Variants in ADAMTS2 observed in about 807,000 individuals in gnomAD.
ADAMTS2 encodes the protein ADAM metallopeptidase with thrombospondin type 1 motif 2, also known as A disintegrin and metalloproteinase with thrombospondin motifs 2.
ADAMTS2 carries 50 observed loss-of-function variants against 123.0 expected under a neutral mutation model. The ratio of observed to expected loss-of-function variants is 0.41; its 90% CI spans 0.32 to 0.51. The LOEUF (loss-of-function observed/expected upper bound fraction) is 0.51. ADAMTS2 is among the 20% of genes least tolerant of loss of function. ADAMTS2 has a pLI of 0.35. For missense variants in ADAMTS2, 1,494 were observed against 1,705.2 expected (o/e 0.88, Z 2.18); for synonymous variants, 678 against 695.4 (o/e 0.98, Z 0.39).
chr5:179,137,704 C>G, intron 12 of ADAMTS2, 65 bp downstream of exon 12: 65 of 1,485,022 alleles, frequency 4.4e-5, no homozygotes, highest in South Asian at 6.0e-5. Context: ...AGGCACAAGC[C>G]CCCACCCTGC....
At chr5:179,182,290 A>G (rs1436924499) in intron 4 of ADAMTS2, among the ~76,000 whole-genome samples, 1 of 152,194 alleles carries the variant, frequency 6.6e-6, no homozygotes, top group African/African-American at 2.4e-5. Flanking sequence ...GGCACCATCA[A>G]GAAGTGGAGA....
At chr5:179,261,294 G>A (rs1015717012) in intron 3 of ADAMTS2, among the ~76,000 whole-genome samples, 1 of 152,042 alleles carries the variant, frequency 6.6e-6, no homozygotes, top group Non-Finnish European at 1.5e-5. Flanking sequence ...AAAAAGCAAC[G>A]CCGCTTTGCT....
chr5:179,259,660 G>A (rs1431590130), intron 3 of ADAMTS2, among the ~76,000 whole-genome samples: 6 of 152,340 alleles, frequency 3.9e-5, no homozygotes, highest in East Asian at 1.9e-4. Flanking sequence ...TCCTGATACC[G>A]GGTCTGTCGT....
chr5:179,168,469 G>C (rs1763752930), intron 5 of ADAMTS2, among the ~76,000 whole-genome samples: 1 of 152,200 alleles, frequency 6.6e-6, no homozygotes, highest in Non-Finnish European at 1.5e-5. Flanking sequence ...CTGTCAAATG[G>C]GGATGATCAC....
chr5:179,261,441 T>C (rs2113489250), intron 3 of ADAMTS2, among the ~76,000 whole-genome samples: 1 of 152,350 alleles, frequency 6.6e-6, no homozygotes, highest in South Asian at 2.1e-4. Flanking sequence ...CTAATTCATT[T>C]AGTCACTCAG....
chr5:179,126,600 G>A (rs971965463), intron 17 of ADAMTS2, among the ~76,000 whole-genome samples: 12 of 152,218 alleles, frequency 7.9e-5, no homozygotes, highest in Admixed American at 4.6e-4. Context: ...TGTCACAACT[G>A]GGGGAAGGGG....
rs553653811 is a variant in ADAMTS2 at position 179,205,215 on chromosome 5, T to G, written c.891+2298A>C. 7.9e-5 allele frequency among the ~76,000 whole-genome samples: 12 copies of G among 152,356 alleles called. No homozygotes were observed. In the East Asian group the frequency reaches 2.3e-3, roughly 29 times the overall value. On this transcript the variant is annotated intron_variant, in intron 4 of 21. Coordinates refer to ENST00000251582, the MANE Select transcript of ADAMTS2 (RefSeq NM_014244.5). ...ACCAGGAGAAAGGTTGATCTGCCTC[T>G]GCCAGCCTCATGAAGGACTCACCAC...
At chr5:179,329,228 G>A (rs1302563117) in intron 2 of ADAMTS2, among the ~76,000 whole-genome samples, 3 of 151,386 alleles carry the variant, frequency 2.0e-5, no homozygotes, top group African/African-American at 7.3e-5. Context: ...TCTTGAGGCT[G>A]AAGCAGGAGA....
At chr5:179,222,039 C>T (rs944354771) in intron 3 of ADAMTS2, among the ~76,000 whole-genome samples, 6 of 152,210 alleles carry the variant, frequency 3.9e-5, no homozygotes, top group Admixed American at 1.3e-4. Context: ...CCAGTGCAGC[C>T]GCCACTCTGA....
intron 2 of ADAMTS2, among the ~76,000 whole-genome samples, chr5:179,277,584 A>C (rs867776157): frequency 1.9e-3 from 4 of 2,088 alleles, no homozygotes; most frequent in African/African-American, 2.1e-3. Flanking sequence ...CTGACCCCCC[A>C]CCCGAGACCA....
intron 2 of ADAMTS2, among the ~76,000 whole-genome samples, chr5:179,293,615 G>GTT (rs1401169075): frequency 1.3e-5 from 2 of 151,774 alleles, no homozygotes; most frequent in East Asian, 3.9e-4. Context: ...GTAGGGTTTT[G>GTT]TTTGTTTGTT....
At chr5:179,222,755 C>T (rs752519561) in intron 3 of ADAMTS2, among the ~76,000 whole-genome samples, 1 of 152,202 alleles carries the variant, frequency 6.6e-6, no homozygotes, top group African/African-American at 2.4e-5. Flanking sequence ...CCTGCCTGCC[C>T]TGCAGAGGTG....
At chr5:179,245,519 C>CA (rs1269056818) in intron 3 of ADAMTS2, among the ~76,000 whole-genome samples, 7 of 149,020 alleles carry the variant, frequency 4.7e-5, no homozygotes, top group African/African-American at 1.5e-4. Flanking sequence ...GTAATCCCAG[C>CA]ACTTTGGGAG....
At chr5:179,157,386 C>G (rs1763493865) in intron 6 of ADAMTS2, among the ~76,000 whole-genome samples, 1 of 152,222 alleles carries the variant, frequency 6.6e-6, no homozygotes, top group Non-Finnish European at 1.5e-5. Context: ...ATCACATGGT[C>G]AGGGCAACAC....
intron 13 of ADAMTS2, among the ~76,000 whole-genome samples, chr5:179,135,129 CT>C (rs1763042769): frequency 7.3e-6 from 1 of 137,616 alleles, no homozygotes. Context: ...CCGGCTCCAG[CT>C]CCCAGCTCCC....
intron 2 of ADAMTS2, among the ~76,000 whole-genome samples, chr5:179,339,924 G>A (rs7733548): frequency 0.18 from 26,929 of 152,218 alleles, 2,492 homozygotes; most frequent in East Asian, 0.34. Context: ...CCCTTAGGCC[G>A]GCTTCTGACT....
chr5:179,261,096 C>A (rs903004581), intron 3 of ADAMTS2, among the ~76,000 whole-genome samples: 1 of 152,084 alleles, frequency 6.6e-6, no homozygotes, highest in South Asian at 2.1e-4. Flanking sequence ...GAACTACGGC[C>A]TGGGGAAAAG....
intron 2 of ADAMTS2, among the ~76,000 whole-genome samples, chr5:179,320,885 C>T (rs927772756): frequency 2.0e-5 from 3 of 152,126 alleles, no homozygotes; most frequent in Non-Finnish European, 4.4e-5. Context: ...CAGCAGCTGC[C>T]TGCATCCATT....
At chr5:179,201,826 A>G (rs1561802386) in intron 4 of ADAMTS2, among the ~76,000 whole-genome samples, 2 of 151,988 alleles carry the variant, frequency 1.3e-5, no homozygotes, top group East Asian at 3.9e-4. Flanking sequence ...AATAAAATAA[A>G]TCATCTGTGT....
Sources: gnomAD v4.1 joint callset for allele counts (sites outside exome capture counted in the v4.1 genomes callset) on GRCh38, gnomAD v4.1.1 for gene constraint, MANE v1.5 for transcripts, NCBI Gene and HGNC (gene_info 2026-07-23, HGNC 2026-07-21) for gene names.